The following ZFP36L1 variants were observed in gnomAD, a reference collection of about 807,000 sequenced individuals.
The protein encoded by ZFP36L1 is mRNA decay activator protein ZFP36L1.
ZFP36L1 carries 4 observed loss-of-function variants against 16.7 expected under a neutral mutation model. The observed-to-expected ratio is 0.24, with a 90% CI of 0.12 to 0.55. The LOEUF (loss-of-function observed/expected upper bound fraction) is 0.55, where lower values mean the gene tolerates loss of function less well. Among genes scored for constraint, ZFP36L1 ranks in the 20% least tolerant of loss-of-function variants. ZFP36L1 has a pLI of 0.94. For synonymous variants in ZFP36L1, 220 were observed against 190.8 expected, an observed-to-expected ratio of 1.15 and a Z score of -1.26; for missense variants, 311 against 449.2, an observed-to-expected ratio of 0.69 and a Z score of 2.78.
rs1233077811 is a variant in ZFP36L1, at chr14:68,787,715, A to C, written c.*1818T>G. 1.3e-5 allele frequency: 2 copies of C among 148,298 alleles called. No individual in the cohort carries two copies. Among genetic ancestry groups the C allele is most frequent in the Non-Finnish European group, 3.0e-5 (2 of 66,964 alleles). 9.2% of individuals were successfully genotyped at this position (148,298 alleles called of 1,614,324 possible). A position where few individuals can be genotyped will look rare whatever the true frequency, so the allele number is the denominator to read the frequency against. On this transcript the variant is annotated 3_prime_UTR_variant, in exon 2 of 2. Coordinates refer to ENST00000439696, the MANE Select transcript of ZFP36L1 (RefSeq NM_004926.4). ...TTTAAACTGCAAATAGTCGTTACAA[A>C]AAGTTTTTTTTTCTTTTAAATAAAT...
upstream of ZFP36L1, among the ~76,000 whole-genome samples, chr14:68,795,123 T>C (rs548310998): frequency 6.6e-6 from 1 of 152,352 alleles, no homozygotes; most frequent in South Asian, 2.1e-4. Flanking sequence ...TGTTTGCTCG[T>C]TCCTTTCCCA....
chr14:68,790,217 G>T lies in ZFP36L1; in HGVS notation c.333C>A (p.Asn111Lys). 1 of 1,613,268 alleles carries T rather than the reference G, an allele frequency of 6.2e-7. No homozygotes were observed. The change falls in exon 2 of 2, where the codon AAC (asparagine) becomes AAA (lysine). Residue 111 changes from asparagine (N) to lysine (K), a missense_variant. Around this residue, in one of 4 missense-constraint regions of ZFP36L1, gnomAD observed 137 missense variants for 142.6 expected, o/e 0.96. Coordinates refer to ENST00000439696, the MANE Select transcript of ZFP36L1 (RefSeq NM_004926.4). ...ACAGCTCCGTCTTGTAGCGGCTGGAGTTGACCTGGCCGCCCCCGGGCTGCT... is the reference window on the plus strand; with the variant it reads ...ACAGCTCCGTCTTGTAGCGGCTGGATTTGACCTGGCCGCCCCCGGGCTGCT... ...TQKQPGGGQV[N>K]SSRYKTELCR... is the part of the protein sequence containing the mutation.
In ZFP36L1 at chr14:68,788,941, TGGGGGGGC is replaced by T. The variant is rs1428234515; in HGVS notation, c.*584_*591del. The T allele has an allele frequency of 9.4e-4, 3 of 3,204 alleles. No individual in the cohort carries two copies. The highest frequency in any genetic ancestry group is 2.8e-3 in the African/African-American group (3 of 1,078). The allele number at this position is 3,204 out of a possible 1,614,324, so 0.2% of individuals were successfully genotyped here. A position where few individuals can be genotyped will look rare whatever the true frequency, so the allele number is the denominator to read the frequency against. On this transcript the variant is annotated 3_prime_UTR_variant, in exon 2 of 2. Transcript: ENST00000439696. ...TTCCAAGGGGCAGGGGTGGGGGGGG[TGGGGGGGC>T]GGGTACAGGTGGAGAGGTGCCACCG...
chr14:68,793,049 C>T lies in ZFP36L1; in HGVS notation c.-111G>A. The T allele has an allele frequency of 1.3e-6, 2 of 1,595,552 alleles. No homozygotes were observed. Among genetic ancestry groups the T allele is most frequent in the Non-Finnish European group, 1.7e-6 (2 of 1,174,570 alleles). ...AGTCCCACACGCCAGTTCCCGGCGC[C>T]CCTCGCCTTTCTGACTCCGGGCTGG... is the stretch of plus-strand genomic sequence containing the variant. On this transcript the variant is annotated 5_prime_UTR_variant, in exon 1 of 2. Coordinates refer to ENST00000439696, the MANE Select transcript of ZFP36L1 (RefSeq NM_004926.4).
chr14:68,792,975 T>TG lies in ZFP36L1; in HGVS notation c.-38dup, dbSNP rs1482179743. The TG allele has an allele frequency of 6.2e-7, 1 of 1,612,312 alleles. No homozygotes were observed. Among genetic ancestry groups the TG allele is most frequent in the African/African-American group, 1.3e-5 (1 of 74,818 alleles). On this transcript the variant is annotated 5_prime_UTR_variant, in exon 1 of 2. Coordinates refer to ENST00000439696, the MANE Select transcript of ZFP36L1 (RefSeq NM_004926.4). ...GCGCGAGCCAGGGGCGAGGATCTGG[T>TG]GTGTCGCGAAGGTCCCGGTGCGGGG...
rs751332987 is a variant in ZFP36L1 at position 68,787,771 on chromosome 14, G to A, written c.*1762C>T. The stretch of plus-strand genomic sequence containing the variant: ...CAAAGAAAGAGAAATAGAAAGCGAC[G>A]GTAGTGACCAGCAAGAGGAATAATA... On this transcript the variant is annotated 3_prime_UTR_variant, in exon 2 of 2. Coordinates refer to ENST00000439696, the MANE Select transcript of ZFP36L1 (RefSeq NM_004926.4). The A allele has an allele frequency of 2.0e-5, 3 of 152,602 alleles. No homozygotes were observed. The highest frequency in any genetic ancestry group is 4.8e-5 in the African/African-American group (2 of 41,382). 9.5% of individuals were successfully genotyped at this position (152,602 alleles called of 1,614,324 possible).
In ZFP36L1 at chr14:68,792,897, G is replaced by C; in HGVS notation, c.42C>G (p.Ser14Arg). Residue 14 changes from serine (S) to arginine (R), a missense_variant, in exon 1 of 2, where the codon AGC becomes AGG. Around this residue, in one of 4 missense-constraint regions of ZFP36L1, gnomAD observed 137 missense variants for 142.6 expected, o/e 0.96. Coordinates refer to ENST00000439696, the MANE Select transcript of ZFP36L1 (RefSeq NM_004926.4). ...TLVSATIFDL[S>R]EVLCKGNKML... ...CCCCCTTTACCTTGCATAAAACTTC[G>C]CTCAAGTCGAAGATGGTGGCAGACA... 2 of 1,614,054 alleles carry C rather than the reference G, an allele frequency of 1.2e-6. No homozygotes were observed. Among genetic ancestry groups the C allele is most frequent in the Non-Finnish European group, 1.7e-6 (2 of 1,179,988 alleles).
Position 68,792,928 on chromosome 14 carries a change from G to C in ZFP36L1, c.11C>G (p.Thr4Ser), listed in dbSNP as rs1895141989. Reference protein sequence around the residue: MTTTLVSATIFDLS... With the variant: MTTSLVSATIFDLS... Reference sequence around the variant, plus strand: ...GTCGAAGATGGTGGCAGACACGAGGGTGGTGGTCATCCTGTGCGTTCGCGC... The same window carrying C: ...GTCGAAGATGGTGGCAGACACGAGGCTGGTGGTCATCCTGTGCGTTCGCGC... The change falls in exon 1 of 2, where the codon ACC becomes AGC. Residue 4 changes from threonine to serine, a missense_variant. Physicochemically the swap from Thr to Ser is moderately conservative, Grantham distance 58. Transcript: ENST00000439696. 6.2e-7 allele frequency: 1 copy of C among 1,613,932 alleles called. No homozygotes were observed. Among genetic ancestry groups the C allele is most frequent in the Admixed American group, 1.7e-5 (1 of 60,002 alleles).
upstream of ZFP36L1, chr14:68,793,670 A>G (rs1360824434): frequency 2.0e-6 from 2 of 985,394 alleles, no homozygotes; most frequent in South Asian, 4.7e-5. Context: ...CTTCTCTTCG[A>G]CACTCGGCTC....
In ZFP36L1 at chr14:68,788,944, G is replaced by GGCC; in HGVS notation, c.*588_*589insGGC. On this transcript the variant is annotated 3_prime_UTR_variant, in exon 2 of 2. Transcript: ENST00000439696. ...CAAGGGGCAGGGGTGGGGGGGGTGG[G>GGCC]GGGGCGGGTACAGGTGGAGAGGTGC... 1 of 141,784 alleles carries GGCC rather than the reference G, an allele frequency of 7.1e-6. No homozygotes were observed. The highest frequency in any genetic ancestry group is 1.6e-5 in the Non-Finnish European group (1 of 64,100). 8.8% of individuals were successfully genotyped at this position (141,784 alleles called of 1,614,324 possible).
At chr14:68,793,585 G>A (rs945289464), upstream of ZFP36L1, 10 of 985,910 alleles carry the variant, frequency 1.0e-5, no homozygotes, top group Non-Finnish European at 1.2e-5. Context: ...TTAGCGCCCG[G>A]GCCGCGGTTT....
At chr14:68,792,057 C>T (rs1895089596) in intron 1 of ZFP36L1, among the ~76,000 whole-genome samples, 1 of 152,192 alleles carries the variant, frequency 6.6e-6, no homozygotes, top group Admixed American at 6.5e-5. Flanking sequence ...AAACCGCAGT[C>T]CTGGAACATT....
upstream of ZFP36L1, chr14:68,793,655 C>A (rs1016447942): frequency 2.6e-5 from 26 of 985,454 alleles, no homozygotes; most frequent in Non-Finnish European, 3.0e-5. Context: ...CTTACCTTTT[C>A]CCGACTTCTC....
chr14:68,792,290 G>A (rs184180336), intron 1 of ZFP36L1, among the ~76,000 whole-genome samples: 4 of 152,090 alleles, frequency 2.6e-5, no homozygotes, highest in East Asian at 3.9e-4. Flanking sequence ...TGCACGATCG[G>A]CTATCGCGGG....
intron 1 of ZFP36L1, among the ~76,000 whole-genome samples, chr14:68,792,124 C>G (rs927292): frequency 0.68 from 102,853 of 151,628 alleles, 34,918 homozygotes; most frequent in East Asian, 0.78. Context: ...TTTTAAGGAG[C>G]CCCCCATTAA....
chr14:68,792,177 C>T (rs1594717817), intron 1 of ZFP36L1, among the ~76,000 whole-genome samples: 2 of 152,108 alleles, frequency 1.3e-5, no homozygotes, highest in South Asian at 2.1e-4. Context: ...AGCATTTTGT[C>T]GCCACCTCCC....
intron 1 of ZFP36L1, 136 bp downstream of exon 1, chr14:68,792,746 G>A: frequency 1.6e-6 from 2 of 1,289,200 alleles, no homozygotes; most frequent in Non-Finnish European, 2.2e-6. Flanking sequence ...AAACTTGGGA[G>A]AAATGCCGGA....
chr14:68,789,887 G>T lies in ZFP36L1; in HGVS notation c.663C>A (p.Asp221Glu). Residue 221 changes from aspartate (D) to glutamate (E), a missense_variant, in exon 2 of 2, where the codon GAC (aspartate) becomes GAA (glutamate). Physicochemically the swap from Asp to Glu is conservative, Grantham distance 45. Coordinates refer to ENST00000439696, the MANE Select transcript of ZFP36L1 (RefSeq NM_004926.4). The surrounding 1 kb of genome is among the most constrained non-coding windows in gnomAD (Gnocchi z 4.5). ...GGGGTGGGGTGATGGACGTGGGGCTGTCCAGCAGCCCGGTGGCAGCGGCGG... is the reference window on the plus strand; with the variant it reads ...GGGGTGGGGTGATGGACGTGGGGCTTTCCAGCAGCCCGGTGGCAGCGGCGG... ...AATAAATGLL[D>E]SPTSITPPPI... 6.2e-7 allele frequency: 1 copy of T among 1,610,398 alleles called. No homozygotes were observed.
At chr14:68,793,965 G>A (rs895436785), upstream of ZFP36L1, 14 of 979,900 alleles carry the variant, frequency 1.4e-5, no homozygotes, top group African/African-American at 2.5e-4. Flanking sequence ...AACCCGGGAC[G>A]ATTGTTTGTT....
Sources: allele counts gnomAD v4.1 joint callset (sites outside exome capture counted in the v4.1 genomes callset), GRCh38; gene constraint gnomAD v4.1.1; regional missense constraint gnomAD v4.1.1; non-coding constraint Gnocchi (gnomAD v3.1); transcripts MANE v1.5; gene names NCBI Gene and HGNC (gene_info 2026-07-23, HGNC 2026-07-21).